ZNF385D: variants seen among roughly 807,000 people sequenced by gnomAD.
ZNF385D encodes the protein zinc finger protein 385D, also known as zinc finger protein 659.
Under a neutral mutation model 35.8 loss-of-function variants are expected in ZNF385D, and 15 were observed. The observed-to-expected ratio is 0.42, with a 90% CI of 0.28 to 0.64. The LOEUF is 0.64. Among genes scored for constraint, ZNF385D ranks in the 30% least tolerant of loss-of-function variants. The probability of loss-of-function intolerance (pLI) is 0.23; values close to 1 mark genes in which losing one functional copy is unlikely to be tolerated. For synonymous variants in ZNF385D, 212 were observed against 186.8 expected (o/e 1.13, Z -1.10); for missense variants, 474 against 494.6 (o/e 0.96, Z 0.39).
intron 3 of ZNF385D, among the ~76,000 whole-genome samples, chr3:21,777,301 A>G (rs2071326220): frequency 6.6e-6 from 1 of 151,972 alleles, no homozygotes; most frequent in South Asian, 2.1e-4. Flanking sequence ...ACCTTTTAAA[A>G]AAATAAATAT....
intron 5 of ZNF385D, 147 bp downstream of exon 5, chr3:21,436,823 A>G: frequency 1.2e-6 from 1 of 818,442 alleles, no homozygotes; most frequent in Non-Finnish European, 1.9e-6. Context: ...TTTGCTCGTC[A>G]TTTTTATTTT....
intron 1 of ZNF385D, among the ~76,000 whole-genome samples, chr3:21,697,478 G>C (rs2067512769): frequency 6.6e-6 from 1 of 152,108 alleles, no homozygotes; most frequent in African/African-American, 2.4e-5. Context: ...GGAGTAAAGG[G>C]TACAGAATTG....
chr3:22,237,315 T>C (rs543798486), intron 2 of ZNF385D, among the ~76,000 whole-genome samples: 3 of 152,354 alleles, frequency 2.0e-5, no homozygotes, highest in South Asian at 4.1e-4. Flanking sequence ...TGGCTATTTG[T>C]ATATCTCTTG....
chr3:21,590,528 A>T (rs989649482), intron 2 of ZNF385D, among the ~76,000 whole-genome samples: 1 of 151,548 alleles, frequency 6.6e-6, no homozygotes, highest in African/African-American at 2.4e-5. Flanking sequence ...TAACTTTATA[A>T]TGAACGTTTG....
Position 21,976,806 on chromosome 3 carries a change from C to A in ZNF385D, c.325+192011G>T, listed in dbSNP as rs1292038781. On this transcript the variant is annotated intron_variant, in intron 3 of 5. Transcript: ENST00000494108. ...AGGAGTTCGAGAACATCCTGGCCAACATGGTGAAACCCCATCTCTGCTAAA... is the reference window on the plus strand; with the variant it reads ...AGGAGTTCGAGAACATCCTGGCCAAAATGGTGAAACCCCATCTCTGCTAAA... Among the ~76,000 whole-genome samples, 5 of 152,158 alleles carry A rather than the reference C, an allele frequency of 3.3e-5. No individual in the cohort carries two copies. The East Asian group carries it at 9.7e-4, about 29-fold the overall frequency.
chr3:21,415,342 A>C lies in ZNF385D; in HGVS notation c.*5872T>G, dbSNP rs1223816321. 6.6e-6 allele frequency: 1 copy of C among 152,122 alleles called. No homozygotes were observed. Among genetic ancestry groups the C allele is most frequent in the Non-Finnish European group, 1.5e-5 (1 of 68,034 alleles). The allele number at this position is 152,122 out of a possible 1,614,324, so 9.4% of individuals were successfully genotyped here. ...TCAGTAGCTGATGTGAAATGATACA[A>C]TTGTATGACCCAACTCAAACTGTTA... On this transcript the variant is annotated 3_prime_UTR_variant, in exon 8 of 8. Transcript: ENST00000281523.
chr3:21,510,746 G>A (rs1209332178), intron 4 of ZNF385D, 115 bp downstream of exon 4: 5 of 1,322,590 alleles, frequency 3.8e-6, no homozygotes, highest in Admixed American at 2.0e-5. Context: ...CAGAAAGATG[G>A]CTCAAGCATG....
At chr3:21,836,472 A>T (rs1695336995) in intron 3 of ZNF385D, among the ~76,000 whole-genome samples, 1 of 152,138 alleles carries the variant, frequency 6.6e-6, no homozygotes, top group African/African-American at 2.4e-5. Context: ...ATGGATTCAC[A>T]AACACTGCCA....
intron 2 of ZNF385D, among the ~76,000 whole-genome samples, chr3:22,250,720 C>G (rs912406518): frequency 7.9e-5 from 12 of 152,074 alleles, no homozygotes; most frequent in Admixed American, 3.9e-4. Flanking sequence ...ACAAAGCCTG[C>G]CCTGGCTACA....
chr3:22,067,365 C>G (rs1700009349), intron 3 of ZNF385D, among the ~76,000 whole-genome samples: 1 of 152,108 alleles, frequency 6.6e-6, no homozygotes, highest in South Asian at 2.1e-4. Flanking sequence ...TAATAAAATG[C>G]CTAATATCAT....
In ZNF385D at chr3:21,421,139, G is replaced by T; in HGVS notation, c.*75C>A. 8.9e-7 allele frequency: 1 copy of T among 1,122,610 alleles called. No individual in the cohort carries two copies. Among genetic ancestry groups the T allele is most frequent in the Non-Finnish European group, 1.3e-6 (1 of 783,584 alleles). 69.5% of individuals were successfully genotyped at this position (1,122,610 alleles called of 1,614,324 possible). A position where few individuals can be genotyped will look rare whatever the true frequency, so the allele number is the denominator to read the frequency against. On this transcript the variant is annotated 3_prime_UTR_variant, in exon 8 of 8. Transcript: ENST00000281523. ...ATACTTTAAACTATAAATAAACACT[G>T]CATAGTTCTCTTTTGTTTGTTTTGT...
At chr3:21,737,279 G>A (rs2069289582) in intron 1 of ZNF385D, among the ~76,000 whole-genome samples, 2 of 152,114 alleles carry the variant, frequency 1.3e-5, no homozygotes, top group South Asian at 4.2e-4. Flanking sequence ...CACTATGATA[G>A]TCATTGTTTT....
chr3:21,494,423 G>A (rs554940312), intron 4 of ZNF385D, among the ~76,000 whole-genome samples: 1 of 152,266 alleles, frequency 6.6e-6, no homozygotes, highest in South Asian at 2.1e-4. Flanking sequence ...ACTACCTTGA[G>A]TAATATAGCA....
chr3:22,348,835 A>G (rs1386380461), intron 2 of ZNF385D, among the ~76,000 whole-genome samples: 1 of 152,190 alleles, frequency 6.6e-6, no homozygotes, highest in African/African-American at 2.4e-5. Flanking sequence ...AACTATGAGA[A>G]ATTAAATTTC....
intron 3 of ZNF385D, among the ~76,000 whole-genome samples, chr3:22,033,969 T>A (rs542974712): frequency 6.6e-6 from 1 of 152,184 alleles, no homozygotes; most frequent in Non-Finnish European, 1.5e-5. Flanking sequence ...CCAGGAAACC[T>A]GAGACGGTTT....
chr3:22,228,665 G>T (rs1403143236), intron 2 of ZNF385D, among the ~76,000 whole-genome samples: 2 of 152,096 alleles, frequency 1.3e-5, no homozygotes, highest in Admixed American at 1.3e-4. Context: ...TTCCTGGGTG[G>T]GTCTGTGAGG....
chr3:22,074,496 G>C (rs1488763014), intron 3 of ZNF385D, among the ~76,000 whole-genome samples: 1 of 151,840 alleles, frequency 6.6e-6, no homozygotes, highest in Non-Finnish European at 1.5e-5. Context: ...TTGCATATTG[G>C]TTACTTCTGA....
At chr3:22,163,377 A>C (rs147421583) in intron 3 of ZNF385D, among the ~76,000 whole-genome samples, 1 of 152,216 alleles carries the variant, frequency 6.6e-6, no homozygotes, top group African/African-American at 2.4e-5. Flanking sequence ...CTGCAGGAAC[A>C]ATAGCCCCCT....
chr3:22,024,363 G>C (rs907334682), intron 3 of ZNF385D, among the ~76,000 whole-genome samples: 1 of 151,950 alleles, frequency 6.6e-6, no homozygotes, highest in Non-Finnish European at 1.5e-5. Context: ...TATTCGTTCT[G>C]TCCCTCTGAG....
Sources: gnomAD v4.1 joint callset for allele counts (sites outside exome capture counted in the v4.1 genomes callset) on GRCh38, gnomAD v4.1.1 for gene constraint, MANE v1.5 for transcripts, NCBI Gene and HGNC (gene_info 2026-07-23, HGNC 2026-07-21) for gene names.